Variants in SUSD4 observed in about 807,000 individuals in gnomAD.
SUSD4 encodes sushi domain containing 4, also known as sushi domain-containing protein 4.
In SUSD4, 41 loss-of-function variants were observed where a neutral mutation model predicts 50.5. That is an observed-to-expected ratio of 0.81 (90% CI 0.63 to 1.05). The LOEUF (loss-of-function observed/expected upper bound fraction) is 1.05. SUSD4 is among the 50% of genes least tolerant of loss of function. The pLI, the probability that SUSD4 is intolerant of heterozygous loss-of-function variation, is 0.00. For synonymous variants in SUSD4, 257 were observed against 257.3 expected, an observed-to-expected ratio of 1.00 and a Z score of 0.01; for missense variants, 580 against 634.7, an observed-to-expected ratio of 0.91 and a Z score of 0.93.
chr1:223,222,237 G>A lies in SUSD4; in HGVS notation c.1445-17C>T, dbSNP rs572878300. On this transcript the variant is annotated splice_polypyrimidine_tract_variant and intron_variant, in intron 8 of 8. Transcript: ENST00000366878. ...GAGGAATCTCTGTAAAAGAAGAGACGGTTATTAGCTTAACATAACCAGAAA... is the reference window on the plus strand; with the variant it reads ...GAGGAATCTCTGTAAAAGAAGAGACAGTTATTAGCTTAACATAACCAGAAA... 17 of 1,612,610 alleles carry A rather than the reference G, an allele frequency of 1.1e-5. No homozygotes were observed. Among genetic ancestry groups the A allele is most frequent in the Middle Eastern group, 1.7e-4 (1 of 6,058 alleles).
At chr1:223,313,911 G>A (rs1052069956) in intron 2 of SUSD4, among the ~76,000 whole-genome samples, 3 of 152,048 alleles carry the variant, frequency 2.0e-5, no homozygotes, top group Non-Finnish European at 4.4e-5. Context: ...AAAAAGGAGA[G>A]GAACCCTCAG....
intron 2 of SUSD4, among the ~76,000 whole-genome samples, chr1:223,296,063 G>C (rs1664803012): frequency 6.6e-6 from 1 of 151,734 alleles, no homozygotes; most frequent in African/African-American, 2.4e-5. Context: ...CTCTCTGTGT[G>C]GGGTGGGGTG....
At chr1:223,278,793 T>A (rs1028358723) in intron 3 of SUSD4, among the ~76,000 whole-genome samples, 2 of 152,118 alleles carry the variant, frequency 1.3e-5, no homozygotes, top group African/African-American at 2.4e-5. Context: ...GACCCCCAAG[T>A]AGCCTAACTG....
At chr1:223,262,657 T>C (rs2103069551) in intron 5 of SUSD4, among the ~76,000 whole-genome samples, 1 of 152,296 alleles carries the variant, frequency 6.6e-6, no homozygotes, top group African/African-American at 2.4e-5. Flanking sequence ...GAAATAATCC[T>C]TTAGTCCCCT....
intron 3 of SUSD4, among the ~76,000 whole-genome samples, chr1:223,282,567 C>T (rs536516039): frequency 6.6e-6 from 1 of 152,294 alleles, no homozygotes; most frequent in African/African-American, 2.4e-5. Flanking sequence ...GAACTACAAA[C>T]CACTGCTCAA....
intron 2 of SUSD4, among the ~76,000 whole-genome samples, chr1:223,355,138 A>C (rs1377200173): frequency 1.3e-5 from 2 of 150,860 alleles, no homozygotes; most frequent in African/African-American, 4.9e-5. Context: ...TCAGTGGCAC[A>C]ATCTCGGCTC....
At chr1:223,355,162 C>G (rs1668590436) in intron 2 of SUSD4, among the ~76,000 whole-genome samples, 1 of 151,802 alleles carries the variant, frequency 6.6e-6, no homozygotes, top group African/African-American at 2.4e-5. Flanking sequence ...GTAATCCCCA[C>G]CTCCTGGGTT....
chr1:223,328,384 C>T (rs1480946418), intron 2 of SUSD4, among the ~76,000 whole-genome samples: 1 of 152,184 alleles, frequency 6.6e-6, no homozygotes, highest in African/African-American at 2.4e-5. Context: ...CCACCAGTCC[C>T]CTTCCTCCTC....
intron 3 of SUSD4, among the ~76,000 whole-genome samples, chr1:223,284,273 G>A (rs1298434653): frequency 1.3e-5 from 2 of 152,180 alleles, no homozygotes; most frequent in Non-Finnish European, 2.9e-5. Context: ...GAACAGATTT[G>A]GTAACGAGAT....
intron 5 of SUSD4, among the ~76,000 whole-genome samples, chr1:223,238,852 G>A (rs1660388635): frequency 6.6e-6 from 1 of 151,992 alleles, no homozygotes; most frequent in African/African-American, 2.4e-5. Flanking sequence ...ATTATTGTTT[G>A]ATGATTGATG....
chr1:223,300,852 T>C (rs1010866379), intron 2 of SUSD4, among the ~76,000 whole-genome samples: 15 of 152,128 alleles, frequency 9.9e-5, no homozygotes, highest in African/African-American at 3.6e-4. Flanking sequence ...ATTAAAGCCA[T>C]TTTAGAGGTC....
chr1:223,304,724 C>T (rs1472043628), intron 2 of SUSD4, among the ~76,000 whole-genome samples: 2 of 144,144 alleles, frequency 1.4e-5, no homozygotes, highest in East Asian at 4.1e-4. Flanking sequence ...TACTTTGAAT[C>T]CCGACTCTGC....
chr1:223,250,255 A>C (rs539750378), intron 5 of SUSD4, among the ~76,000 whole-genome samples: 2 of 152,370 alleles, frequency 1.3e-5, no homozygotes, highest in East Asian at 3.9e-4. Flanking sequence ...ACCAAGCACA[A>C]AGTGCCTGGC....
At chr1:223,348,381 T>G (rs1668160970) in intron 2 of SUSD4, among the ~76,000 whole-genome samples, 2 of 152,212 alleles carry the variant, frequency 1.3e-5, no homozygotes, top group Admixed American at 1.3e-4. Flanking sequence ...ATCATTCATC[T>G]CTGACTCTCC....
At chr1:223,274,783 C>T (rs765173512) in intron 3 of SUSD4, among the ~76,000 whole-genome samples, 7 of 152,024 alleles carry the variant, frequency 4.6e-5, no homozygotes, top group African/African-American at 9.7e-5. Flanking sequence ...TCTAAGCACA[C>T]GTGGAACATT....
chr1:223,310,300 C>T (rs1665795975), intron 2 of SUSD4, among the ~76,000 whole-genome samples: 1 of 152,168 alleles, frequency 6.6e-6, no homozygotes, highest in Admixed American at 6.5e-5. Flanking sequence ...TCCCTGCTAT[C>T]CCTCCACTGG....
intron 2 of SUSD4, among the ~76,000 whole-genome samples, chr1:223,356,262 T>C (rs1011792780): frequency 6.6e-6 from 1 of 152,158 alleles, no homozygotes; most frequent in African/African-American, 2.4e-5. Flanking sequence ...AATTCTTTCC[T>C]AAAACACAGC....
intron 2 of SUSD4, among the ~76,000 whole-genome samples, chr1:223,340,840 ATT>A (rs934509792): frequency 5.3e-5 from 8 of 152,180 alleles, no homozygotes; most frequent in African/African-American, 1.9e-4. Context: ...TTAAATCTCT[ATT>A]GTTTCAGAAA....
At chr1:223,339,639 C>G (rs967412615) in intron 2 of SUSD4, among the ~76,000 whole-genome samples, 1 of 152,230 alleles carries the variant, frequency 6.6e-6, no homozygotes, top group Non-Finnish European at 1.5e-5. Flanking sequence ...CTCACGACAC[C>G]TTTTAATGGT....
Sources: gnomAD v4.1 joint callset for allele counts (sites outside exome capture counted in the v4.1 genomes callset) on GRCh38, gnomAD v4.1.1 for gene constraint, MANE v1.5 for transcripts, NCBI Gene and HGNC (gene_info 2026-07-23, HGNC 2026-07-21) for gene names.